Variants in VAV3 observed in about 807,000 individuals in gnomAD.
The protein encoded by VAV3 is vav guanine nucleotide exchange factor 3.
In VAV3, 94 loss-of-function variants were observed where a neutral mutation model predicts 131.2. The ratio of observed to expected loss-of-function variants is 0.72; its 90% CI spans 0.61 to 0.85. VAV3 has a LOEUF of 0.85. VAV3 is among the 40% of genes least tolerant of loss of function. VAV3 has a pLI of 0.00. For synonymous variants in VAV3, 349 were observed against 342.0 expected, an observed-to-expected ratio of 1.02 and a Z score of -0.22; for missense variants, 939 against 1,002.7, an observed-to-expected ratio of 0.94 and a Z score of 0.86.
At chr1:107,850,136 G>A (rs920310505) in intron 2 of VAV3, among the ~76,000 whole-genome samples, 1 of 152,110 alleles carries the variant, frequency 6.6e-6, no homozygotes, top group Non-Finnish European at 1.5e-5. Flanking sequence ...TGTAAATTAG[G>A]TTCAACTAAT....
At chr1:107,680,822 C>T (rs778183815) in intron 19 of VAV3, among the ~76,000 whole-genome samples, 15 of 152,198 alleles carry the variant, frequency 9.9e-5, no homozygotes, top group Middle Eastern at 3.4e-3. Context: ...GGCAAACTGC[C>T]GAAGTTCAAA....
intron 19 of VAV3, among the ~76,000 whole-genome samples, chr1:107,665,164 C>T (rs939490962): frequency 2.6e-5 from 4 of 151,876 alleles, no homozygotes; most frequent in African/African-American, 7.3e-5. Flanking sequence ...GGAGGCAAGA[C>T]GAACAATTGG....
At chr1:107,624,140 A>G (rs1014602179) in intron 20 of VAV3, among the ~76,000 whole-genome samples, 1 of 152,152 alleles carries the variant, frequency 6.6e-6, no homozygotes, top group African/African-American at 2.4e-5. Context: ...TGTGAAATGT[A>G]TACTGAGAAA....
intron 2 of VAV3, among the ~76,000 whole-genome samples, chr1:107,874,095 T>A (rs189431744): frequency 6.6e-6 from 1 of 152,260 alleles, no homozygotes; most frequent in Admixed American, 6.5e-5. Context: ...ATAGCATTAG[T>A]TTTTTCCTCC....
chr1:107,619,243 G>GA (rs34005962), intron 20 of VAV3, among the ~76,000 whole-genome samples: 1 of 152,074 alleles, frequency 6.6e-6, no homozygotes, highest in Non-Finnish European at 1.5e-5. Flanking sequence ...GCATCACTTG[G>GA]AAAAAATGTA....
intron 2 of VAV3, among the ~76,000 whole-genome samples, chr1:107,790,787 A>C (rs1284827674): frequency 6.9e-6 from 1 of 145,192 alleles, no homozygotes; most frequent in African/African-American, 2.6e-5. Flanking sequence ...TCCCAGGTTA[A>C]AGCGATTCTC....
intron 1 of VAV3, among the ~76,000 whole-genome samples, chr1:107,912,673 G>GT (rs1467828294): frequency 6.6e-6 from 1 of 152,146 alleles, no homozygotes; most frequent in Non-Finnish European, 1.5e-5. Context: ...ATTTTCTTAA[G>GT]TTTTTTCTTA....
rs533305288 is a variant in VAV3 at position 107,691,969 on chromosome 1, T to C, written c.1706-3563A>G. Among the ~76,000 whole-genome samples the C allele has an allele frequency of 1.6e-4, 24 of 152,324 alleles. No homozygotes were observed. In the East Asian group the frequency reaches 4.6e-3, roughly 29 times the overall value. On this transcript the variant is annotated intron_variant, in intron 17 of 26. Transcript: ENST00000370056. ...AATTCTGTCCTATTTTGTTTTTCAA[T>C]ACAAGTGGCTCTCAATTCATACATT... is the stretch of plus-strand genomic sequence containing the variant.
At chr1:107,685,459 TG>T (rs1248924718) in intron 18 of VAV3, among the ~76,000 whole-genome samples, 2 of 152,090 alleles carry the variant, frequency 1.3e-5, no homozygotes, top group Admixed American at 6.6e-5. Flanking sequence ...ATTAGCTTTT[TG>T]TTATTTTAAA....
intron 20 of VAV3, among the ~76,000 whole-genome samples, 182 bp from the exon 21 acceptor site, chr1:107,617,814 G>C (rs1294593798): frequency 6.6e-6 from 1 of 152,134 alleles, no homozygotes; most frequent in African/African-American, 2.4e-5. Context: ...AGTTTTCTTG[G>C]TTGTTCAACT....
intron 24 of VAV3, among the ~76,000 whole-genome samples, chr1:107,601,040 C>A (rs559110171): frequency 6.6e-6 from 1 of 152,226 alleles, no homozygotes; most frequent in African/African-American, 2.4e-5. Flanking sequence ...ATGTGGAGAG[C>A]CCCTGTGCGT....
At chr1:107,680,648 A>T (rs1413808136) in intron 19 of VAV3, among the ~76,000 whole-genome samples, 1 of 152,112 alleles carries the variant, frequency 6.6e-6, no homozygotes, top group Non-Finnish European at 1.5e-5. Flanking sequence ...CCTGGCTTCA[A>T]GTGATCCTCC....
At chr1:107,768,795 G>A (rs1664879409) in intron 6 of VAV3, among the ~76,000 whole-genome samples, 1 of 152,132 alleles carries the variant, frequency 6.6e-6, no homozygotes, top group South Asian at 2.1e-4. Flanking sequence ...TATTGTCTGA[G>A]TTGCCAAAAA....
chr1:107,664,350 AC>A (rs1466949615), intron 19 of VAV3, among the ~76,000 whole-genome samples: 2 of 122,256 alleles, frequency 1.6e-5, no homozygotes, highest in African/African-American at 6.7e-5. Context: ...TCCCTCCCCA[AC>A]CCCCCACAAA....
intron 22 of VAV3, 192 bp downstream of exon 22, chr1:107,609,739 A>AC: frequency 1.7e-6 from 1 of 574,936 alleles, no homozygotes; most frequent in South Asian, 2.5e-5. Context: ...ATGCACACAC[A>AC]CCCCCCTCGC....
intron 2 of VAV3, among the ~76,000 whole-genome samples, chr1:107,791,709 A>G (rs1666296418): frequency 6.6e-6 from 1 of 152,212 alleles, no homozygotes; most frequent in South Asian, 2.1e-4. Flanking sequence ...GTTGAAAATC[A>G]CAGGCTTAAA....
chr1:107,737,835 C>G (rs1662757284), intron 15 of VAV3, among the ~76,000 whole-genome samples: 1 of 152,176 alleles, frequency 6.6e-6, no homozygotes, highest in African/African-American at 2.4e-5. Flanking sequence ...TACCATTTGA[C>G]CCAGCAATCC....
At chr1:107,660,593 C>T (rs1016866670) in intron 19 of VAV3, among the ~76,000 whole-genome samples, 2 of 152,194 alleles carry the variant, frequency 1.3e-5, no homozygotes, top group Non-Finnish European at 2.9e-5. Flanking sequence ...TTCACTGTGG[C>T]TGCAAAGTGA....
intron 19 of VAV3, among the ~76,000 whole-genome samples, chr1:107,671,695 T>A (rs556134491): frequency 7.2e-5 from 11 of 152,196 alleles, no homozygotes; most frequent in East Asian, 1.9e-4. Context: ...TACTCTGAAC[T>A]CAAAAGGCAG....
Sources: gnomAD v4.1 joint callset for allele counts (sites outside exome capture counted in the v4.1 genomes callset) on GRCh38, gnomAD v4.1.1 for gene constraint, MANE v1.5 for transcripts, NCBI Gene and HGNC (gene_info 2026-07-23, HGNC 2026-07-21) for gene names.